Variants in ATP8A2 observed in about 807,000 individuals in gnomAD.
The protein encoded by ATP8A2 is ATPase phospholipid transporting 8A2.
Under a neutral mutation model 165.6 loss-of-function variants are expected in ATP8A2, and 100 were observed. The observed-to-expected ratio is 0.60, with a 90% CI of 0.51 to 0.71. ATP8A2 has a LOEUF of 0.71. ATP8A2 is among the 30% of genes least tolerant of loss of function. ATP8A2 has a pLI of 0.00. For missense variants in ATP8A2, 1,227 were observed against 1,479.5 expected (o/e 0.83, Z 2.80); for synonymous variants, 543 against 548.8 (o/e 0.99, Z 0.15).
At chr13:25,692,733 T>C (rs887085490) in intron 24 of ATP8A2, among the ~76,000 whole-genome samples, 1 of 152,156 alleles carries the variant, frequency 6.6e-6, no homozygotes, top group African/African-American at 2.4e-5. Context: ...CTGTCTGTGG[T>C]GATTACCTAA....
intron 24 of ATP8A2, among the ~76,000 whole-genome samples, chr13:25,686,272 C>G (rs1483580244): frequency 1.3e-5 from 2 of 152,186 alleles, no homozygotes; most frequent in Non-Finnish European, 2.9e-5. Context: ...ATAGGGCTCA[C>G]AAGGAGCGGA....
chr13:25,860,199 T>C lies in ATP8A2; in HGVS notation c.2961T>C (p.Thr987=). The C allele has an allele frequency of 1.9e-6, 3 of 1,610,038 alleles. No individual in the cohort carries two copies. The highest frequency in any genetic ancestry group is 1.1e-5 in the South Asian group (1 of 90,834). ...WFPMKALEHD[T]VLTSGHATDY... ...AGTAACTTCTTTGTTTTTCAGATAC[T>C]GTGTTGACAAGTGGTCATGCTACCG... Residue 987 remains threonine, a synonymous_variant, in exon 31 of 37, where the codon ACT becomes ACC. Transcript: ENST00000381655.
chr13:25,834,236 G>C (rs1951550457), intron 28 of ATP8A2, among the ~76,000 whole-genome samples: 1 of 152,166 alleles, frequency 6.6e-6, no homozygotes, highest in Non-Finnish European at 1.5e-5. Context: ...TTTAAGACTG[G>C]AGAACATTAA....
chr13:25,455,981 T>C (rs1182141042), intron 1 of ATP8A2, among the ~76,000 whole-genome samples: 8 of 152,188 alleles, frequency 5.3e-5, no homozygotes, highest in Non-Finnish European at 1.2e-4. Flanking sequence ...AGGAAGGTCT[T>C]TCTTTCTTGT....
intron 33 of ATP8A2, among the ~76,000 whole-genome samples, chr13:25,882,894 A>AAAT (rs546658584): frequency 6.8e-6 from 1 of 147,354 alleles, no homozygotes; most frequent in Non-Finnish European, 1.5e-5. Flanking sequence ...CCTGTGCCTG[A>AAAT]GATGATGATG....
rs1955663414 is a variant in ATP8A2 at position 25,961,680 on chromosome 13, A to G, written c.3272+17A>G. The G allele has an allele frequency of 6.3e-7, 1 of 1,585,858 alleles. No homozygotes were observed. The highest frequency in any genetic ancestry group is 8.7e-7 in the Non-Finnish European group (1 of 1,154,420). On this transcript the variant is annotated intron_variant, in intron 34 of 36. Transcript: ENST00000381655. The stretch of plus-strand genomic sequence containing the variant: ...ATGGAGAGCGTAAGTTTAACAGTGA[A>G]GCGGGGACCCTAAGTCTGGCTCATC...
intron 2 of ATP8A2, among the ~76,000 whole-genome samples, chr13:25,516,719 CTT>C (rs368398672): frequency 6.9e-6 from 1 of 144,340 alleles, no homozygotes. Context: ...TCTCATAACT[CTT>C]TTTTTTTTGT....
intron 24 of ATP8A2, among the ~76,000 whole-genome samples, chr13:25,693,752 C>T (rs897923961): frequency 2.0e-5 from 3 of 152,118 alleles, no homozygotes; most frequent in African/African-American, 7.2e-5. Context: ...TGCAGTGGCA[C>T]GATCTTGGCT....
chr13:25,661,453 G>A (rs2042049046), intron 24 of ATP8A2, among the ~76,000 whole-genome samples: 1 of 152,000 alleles, frequency 6.6e-6, no homozygotes, highest in African/African-American at 2.4e-5. Flanking sequence ...GTTTTTGATT[G>A]TCATTACTTA....
At chr13:25,672,853 C>T (rs142776983) in intron 24 of ATP8A2, among the ~76,000 whole-genome samples, 3 of 152,158 alleles carry the variant, frequency 2.0e-5, no homozygotes, top group South Asian at 2.1e-4. Flanking sequence ...TATTTGAGAC[C>T]GGAAGAGACT....
chr13:25,595,002 A>G (rs2040197719), intron 24 of ATP8A2, among the ~76,000 whole-genome samples: 1 of 149,886 alleles, frequency 6.7e-6, no homozygotes, highest in African/African-American at 2.4e-5. Context: ...ATATATATAT[A>G]TATATGTATG....
chr13:25,965,197 G>T (rs1464395266), intron 34 of ATP8A2, among the ~76,000 whole-genome samples: 1 of 152,180 alleles, frequency 6.6e-6, no homozygotes, highest in Non-Finnish European at 1.5e-5. Flanking sequence ...ATTAAGGCAG[G>T]CCTGCCTTTT....
intron 1 of ATP8A2, among the ~76,000 whole-genome samples, chr13:25,412,845 G>A (rs570409452): frequency 2.4e-4 from 37 of 152,314 alleles, no homozygotes; most frequent in African/African-American, 8.7e-4. Flanking sequence ...GGGGGGGATG[G>A]AGTCTTGCTC....
chr13:25,859,772 T>G (rs1362521985), intron 30 of ATP8A2, among the ~76,000 whole-genome samples: 1 of 152,192 alleles, frequency 6.6e-6, no homozygotes, highest in Admixed American at 6.5e-5. Flanking sequence ...TGTAGTTATC[T>G]TTTTATTGGT....
At chr13:25,816,409 C>G (rs1190811218) in intron 27 of ATP8A2, among the ~76,000 whole-genome samples, 1 of 152,148 alleles carries the variant, frequency 6.6e-6, no homozygotes, top group East Asian at 1.9e-4. Flanking sequence ...ACAAGTTGTT[C>G]TCTCTACTTT....
intron 25 of ATP8A2, among the ~76,000 whole-genome samples, chr13:25,718,841 C>T (rs1200641709): frequency 6.6e-6 from 1 of 152,158 alleles, no homozygotes; most frequent in African/African-American, 2.4e-5. Flanking sequence ...GGCGTTTCTT[C>T]TGTTGTAATT....
At chr13:25,591,406 A>C (rs891285250) in intron 24 of ATP8A2, 14 of 455,662 alleles carry the variant, frequency 3.1e-5, no homozygotes, top group African/African-American at 2.6e-4. Context: ...ATCATATAGT[A>C]TTTGTGATTT....
intron 25 of ATP8A2, among the ~76,000 whole-genome samples, chr13:25,736,504 C>T (rs1274264477): frequency 6.6e-6 from 1 of 152,130 alleles, no homozygotes; most frequent in Non-Finnish European, 1.5e-5. Context: ...TAGAGGTTGG[C>T]ATGATTCGTT....
intron 24 of ATP8A2, among the ~76,000 whole-genome samples, chr13:25,652,122 C>G (rs1221386091): frequency 6.6e-6 from 1 of 152,098 alleles, no homozygotes; most frequent in Non-Finnish European, 1.5e-5. Flanking sequence ...GCCCAGTTCC[C>G]TTCAGTTCCC....
Sources: gnomAD v4.1 joint callset for allele counts (sites outside exome capture counted in the v4.1 genomes callset) on GRCh38, gnomAD v4.1.1 for gene constraint, MANE v1.5 for transcripts, NCBI Gene and HGNC (gene_info 2026-07-23, HGNC 2026-07-21) for gene names.